The following XIAP variants were observed in gnomAD, a reference collection of about 807,000 sequenced individuals.
The protein encoded by XIAP is E3 ubiquitin-protein ligase XIAP.
A neutral mutation model predicts 33.1 loss-of-function variants in XIAP; 3 were observed. That is an observed-to-expected ratio of 0.09 (90% CI 0.04 to 0.23). The LOEUF is 0.23. Among genes scored for constraint, XIAP ranks in the 10% least tolerant of loss-of-function variants. The probability of loss-of-function intolerance (pLI) is 1.00; values close to 1 mark genes in which losing one functional copy is unlikely to be tolerated. For missense variants in XIAP, 264 were observed against 363.0 expected, an observed-to-expected ratio of 0.73 and a Z score of 2.22; for synonymous variants, 98 against 121.3, an observed-to-expected ratio of 0.81 and a Z score of 1.26.
chrX:123,901,149 T>C (rs1481343919), intron 6 of XIAP, among the ~76,000 whole-genome samples: 2 of 112,108 alleles, frequency 1.8e-5, no homozygotes, highest in African/African-American at 6.5e-5. Context: ...CAAATATCAT[T>C]ACATTAATCA....
chrX:123,876,261 G>C (rs1217431547), intron 1 of XIAP, among the ~76,000 whole-genome samples: 1 of 109,210 alleles, frequency 9.2e-6, no homozygotes, highest in Non-Finnish European at 1.9e-5. Flanking sequence ...GATGCTTCTT[G>C]AGACTATTAC....
intron 1 of XIAP, among the ~76,000 whole-genome samples, chrX:123,877,286 C>CA (rs2053254779): frequency 9.0e-6 from 1 of 111,500 alleles, no homozygotes; most frequent in South Asian, 3.7e-4. Context: ...AGGCTGGTTT[C>CA]AAACTCCTGA....
intron 1 of XIAP, among the ~76,000 whole-genome samples, chrX:123,869,897 A>T (rs897575938): frequency 8.8e-6 from 1 of 113,026 alleles, no homozygotes; most frequent in East Asian, 2.7e-4. Flanking sequence ...AGAAGAGAAG[A>T]TGAGCTATAG....
intron 6 of XIAP, among the ~76,000 whole-genome samples, chrX:123,903,999 C>T (rs1253128466): frequency 9.0e-6 from 1 of 111,321 alleles, no homozygotes; most frequent in Non-Finnish European, 1.9e-5. Context: ...AACAACTCCC[C>T]ATTCCCTCTC....
At chrX:123,879,730 G>A (rs1046108312) in intron 1 of XIAP, among the ~76,000 whole-genome samples, 1 of 112,030 alleles carries the variant, frequency 8.9e-6, no homozygotes, top group African/African-American at 3.2e-5. Context: ...TCCGAGTCTT[G>A]TCTATAAGTA....
Position 123,900,725 on chromosome X carries a change from G to A in XIAP, c.1300+32G>A, listed in dbSNP as rs777780036. 28 of 1,166,354 alleles carry A rather than the reference G, an allele frequency of 2.4e-5. No homozygotes were observed. The African/African-American group carries it at 4.4e-4, about 18-fold the overall frequency. On this transcript the variant is annotated intron_variant, in intron 6 of 6. Coordinates refer to ENST00000371199, the MANE Select transcript of XIAP (RefSeq NM_001167.4). ...ATTGCTGTTTTTAAAAAGCAAGAAAGGGCCAGATGTGGTGGCTCATACCTG... is the reference window on the plus strand; with the variant it reads ...ATTGCTGTTTTTAAAAAGCAAGAAAAGGCCAGATGTGGTGGCTCATACCTG...
rs1376180366 is a variant in XIAP at position 123,909,350 on chromosome X, TGA to T, written c.*2173_*2174del. On this transcript the variant is annotated 3_prime_UTR_variant, in exon 7 of 7. Transcript: ENST00000371199. ...CCGGCTAAAACATTGCAAATTTAAA[TGA>T]GAGTTTTAAAAATTAAATAATGACT... 3.0e-6 allele frequency: 1 copy of T among 329,244 alleles called. No individual in the cohort carries two copies. Among genetic ancestry groups the T allele is most frequent in the South Asian group, 2.6e-5 (1 of 38,501 alleles). The allele number at this position is 329,244 out of a possible 1,213,427, so 27.1% of individuals were successfully genotyped here. A position where few individuals can be genotyped will look rare whatever the true frequency, so the allele number is the denominator to read the frequency against.
chrX:123,863,086 T>C (rs934833518), intron 1 of XIAP, among the ~76,000 whole-genome samples: 4 of 108,994 alleles, frequency 3.7e-5, no homozygotes, highest in Admixed American at 9.9e-5. Context: ...TGAGACCCTG[T>C]CTCAAACAAA....
At chrX:123,873,151 C>A (rs1348465655) in intron 1 of XIAP, among the ~76,000 whole-genome samples, 1 of 109,161 alleles carries the variant, frequency 9.2e-6, no homozygotes, top group Non-Finnish European at 1.9e-5. Context: ...CTTGCCTCAG[C>A]CTTCCTGAGT....
chrX:123,913,233 A>G lies in XIAP; in HGVS notation c.*6052A>G, dbSNP rs778448154. The G allele has an allele frequency of 6.1e-6, 2 of 326,399 alleles. No homozygotes were observed. Among genetic ancestry groups the G allele is most frequent in the Non-Finnish European group, 1.2e-5 (2 of 169,419 alleles). The allele number at this position is 326,399 out of a possible 1,213,427, so 26.9% of individuals were successfully genotyped here. On this transcript the variant is annotated 3_prime_UTR_variant, in exon 7 of 7. Coordinates refer to ENST00000371199, the MANE Select transcript of XIAP (RefSeq NM_001167.4). Reference sequence around the variant, plus strand: ...ACGCCTGTAATCCCAGCAGTTTCCGAGGCTGAGGCAGGCGGCTCACCTGAG... The same window carrying G: ...ACGCCTGTAATCCCAGCAGTTTCCGGGGCTGAGGCAGGCGGCTCACCTGAG...
At chrX:123,876,202 C>T (rs996178576) in intron 1 of XIAP, among the ~76,000 whole-genome samples, 1 of 101,604 alleles carries the variant, frequency 9.8e-6, no homozygotes, top group Non-Finnish European at 2.0e-5. Flanking sequence ...GGTGAGCCAC[C>T]GCATGTGACC....
intron 5 of XIAP, among the ~76,000 whole-genome samples, chrX:123,899,718 G>GTT (rs34067902): frequency 2.0e-5 from 2 of 100,589 alleles, no homozygotes. Flanking sequence ...TGTGGCAATA[G>GTT]TTTTTTTTTT....
At chrX:123,888,765 A>G (rs1392030608) in intron 3 of XIAP, 47 bp downstream of exon 3, 2 of 1,075,455 alleles carry the variant, frequency 1.9e-6, no homozygotes, top group East Asian at 6.0e-5. Flanking sequence ...GATAGCATGC[A>G]GTGGGAGACT....
At chrX:123,905,566 C>G (rs189509644) in intron 6 of XIAP, among the ~76,000 whole-genome samples, 1 of 111,689 alleles carries the variant, frequency 9.0e-6, no homozygotes, top group East Asian at 2.8e-4. Context: ...TGTCATCATA[C>G]CATTTATACT....
Position 123,891,244 on chromosome X carries a change from A to G in XIAP, c.984A>G (p.Lys328=), listed in dbSNP as rs776020615. The G allele has an allele frequency of 2.0e-5, 21 of 1,072,746 alleles. No homozygotes were observed. In the African/African-American group the frequency reaches 2.9e-4, roughly 15 times the overall value. 88.4% of individuals were successfully genotyped at this position (1,072,746 alleles called of 1,213,427 possible). A position where few individuals can be genotyped will look rare whatever the true frequency, so the allele number is the denominator to read the frequency against. ...TAATCTTTTAATTGTTTAGGTGCAAATATCTGTTAGAACAGAAGGGACAAG... is the reference window on the plus strand; with the variant it reads ...TAATCTTTTAATTGTTTAGGTGCAAGTATCTGTTAGAACAGAAGGGACAAG... ...EQHAKWYPGC[K]YLLEQKGQEY... The change falls in exon 4 of 7, where the codon AAA becomes AAG. Residue 328 remains lysine (K), a synonymous_variant. Coordinates refer to ENST00000371199, the MANE Select transcript of XIAP (RefSeq NM_001167.4).
At chrX:123,888,770 G>A (rs749873203) in intron 3 of XIAP, 52 bp downstream of exon 3, 1 of 1,061,828 alleles carries the variant, frequency 9.4e-7, no homozygotes, top group Non-Finnish European at 1.3e-6. Context: ...CATGCAGTGG[G>A]AGACTTGAAT....
chrX:123,861,009 A>C (rs1193578149), intron 1 of XIAP, among the ~76,000 whole-genome samples: 1 of 111,855 alleles, frequency 8.9e-6, no homozygotes, highest in Non-Finnish European at 1.9e-5. Context: ...TTAATGACTC[A>C]CAGAAATTTG....
intron 1 of XIAP, among the ~76,000 whole-genome samples, chrX:123,874,756 G>T (rs1367504849): frequency 9.9e-6 from 1 of 101,122 alleles, no homozygotes; most frequent in Non-Finnish European, 2.0e-5. Context: ...ATGCAGTGGC[G>T]CAATCTTGGC....
chrX:123,860,618 T>G, intron 1 of XIAP: 1 of 237,233 alleles, frequency 4.2e-6, no homozygotes, highest in South Asian at 4.3e-5. Context: ...AACCTGTGGC[T>G]TGTGTGGAGC....
Sources: gnomAD v4.1 joint callset for allele counts (sites outside exome capture counted in the v4.1 genomes callset) on GRCh38, gnomAD v4.1.1 for gene constraint, MANE v1.5 for transcripts, NCBI Gene and HGNC (gene_info 2026-07-23, HGNC 2026-07-21) for gene names.